Variants in NCKAP1L observed in about 807,000 individuals in gnomAD.
The protein encoded by NCKAP1L is NCK associated protein 1 like, also known as nck-associated protein 1-like.
Under a neutral mutation model 139.2 loss-of-function variants are expected in NCKAP1L, and 53 were observed. That is an observed-to-expected ratio of 0.38 (90% confidence interval 0.31 to 0.48). The LOEUF is 0.48. Among genes scored for constraint, NCKAP1L ranks in the 20% least tolerant of loss-of-function variants. The pLI is 0.98. For missense variants in NCKAP1L, 1,151 were observed against 1,381.9 expected (o/e 0.83, Z 2.65); for synonymous variants, 468 against 499.7 (o/e 0.94, Z 0.85).
chr12:54,531,481 T>C lies in NCKAP1L; in HGVS notation c.2605-10T>C, dbSNP rs376510658. 1 of 1,613,800 alleles carries C rather than the reference T, an allele frequency of 6.2e-7. No individual in the cohort carries two copies. The highest frequency in any genetic ancestry group is 8.5e-7 in the Non-Finnish European group (1 of 1,179,658). On this transcript the variant is annotated splice_polypyrimidine_tract_variant and intron_variant, in intron 23 of 30. Transcript: ENST00000293373. ...TTCCTGCTTAATGTCTCTGTGTTCC[T>C]GGACTACAGAAGCTGGTGGTGGAAA... is the stretch of plus-strand genomic sequence containing the variant.
chr12:54,504,909 G>A (rs1053720285), intron 3 of NCKAP1L, among the ~76,000 whole-genome samples: 3 of 152,158 alleles, frequency 2.0e-5, no homozygotes, highest in Admixed American at 1.3e-4. Context: ...TAAGACCTGC[G>A]TAGTGACATT....
Position 54,517,933 on chromosome 12 carries a change from A to T in NCKAP1L, c.1333A>T (p.Ile445Phe). 6.2e-7 allele frequency: 1 copy of T among 1,614,186 alleles called. No homozygotes were observed. The highest frequency in any genetic ancestry group is 8.5e-7 in the Non-Finnish European group (1 of 1,180,012). ...TGATGCTCTTGTGCTCAGTGACATC[A>T]TTCAGGTATGATATTTAATTGATTA... ...RFDALVLSDI[I>F]QNLSVCPEEE... Residue 445 changes from isoleucine to phenylalanine, a missense_variant, in exon 13 of 31, where the codon ATT (isoleucine) becomes TTT (phenylalanine). Physicochemically the swap from Ile to Phe is conservative, Grantham distance 21. Transcript: ENST00000293373.
Position 54,531,344 on chromosome 12 carries a change from T to C in NCKAP1L, c.2591T>C (p.Ile864Thr), listed in dbSNP as rs756807686. Residue 864 changes from isoleucine to threonine, a missense_variant, in exon 23 of 31, where the codon ATT becomes ACT. Coordinates refer to ENST00000293373, the MANE Select transcript of NCKAP1L (RefSeq NM_005337.5). ...CTGATGTGGCATGTGACCTCTCAGA[T>C]TGTGGAGCTGAAGGTACTATGGAAA... The part of the protein sequence containing the change: ...ENLMWHVTSQ[I>T]VELKKLVVEN... 2.5e-6 allele frequency: 4 copies of C among 1,613,962 alleles called. No homozygotes were observed. The highest frequency in any genetic ancestry group is 1.3e-5 in the African/African-American group (1 of 74,996).
chr12:54,544,518 A>G lies in NCKAP1L; in HGVS notation c.*1833A>G, dbSNP rs1957184464. 6.6e-6 allele frequency: 1 copy of G among 152,212 alleles called. No individual in the cohort carries two copies. The highest frequency in any genetic ancestry group is 1.5e-5 in the Non-Finnish European group (1 of 68,026). 9.4% of individuals were successfully genotyped at this position (152,212 alleles called of 1,614,324 possible). A position where few individuals can be genotyped will look rare whatever the true frequency, so the allele number is the denominator to read the frequency against. The stretch of plus-strand genomic sequence containing the variant: ...TTACACAGTTTCCCTGAATGCTAAC[A>G]TCTAGCAAAACTGTAGTACACTGCC... On this transcript the variant is annotated 3_prime_UTR_variant, in exon 31 of 31. Transcript: ENST00000293373.
rs1305758809 is a variant in NCKAP1L, at chr12:54,511,970, G to T, written c.806G>T (p.Gly269Val). ...WIIIGFLLCHGCLNSNSQCQK... is the reference protein window; with the variant it reads ...WIIIGFLLCHVCLNSNSQCQK... ...ACAGTTGGGTTTCTTCTTTGTCATGGGTGCCTCAACTCCAATAGCCAGTGC... is the reference window on the plus strand; with the variant it reads ...ACAGTTGGGTTTCTTCTTTGTCATGTGTGCCTCAACTCCAATAGCCAGTGC... Residue 269 changes from glycine (G) to valine (V), a missense_variant, in exon 9 of 31, where the codon GGG becomes GTG. Coordinates refer to ENST00000293373, the MANE Select transcript of NCKAP1L (RefSeq NM_005337.5). The T allele has an allele frequency of 6.8e-6, 11 of 1,614,002 alleles. No homozygotes were observed. The highest frequency in any genetic ancestry group is 2.7e-5 in the African/African-American group (2 of 74,898).
At chr12:54,539,296 T>C (rs1393431402) in intron 30 of NCKAP1L, among the ~76,000 whole-genome samples, 1 of 152,204 alleles carries the variant, frequency 6.6e-6, no homozygotes, top group Non-Finnish European at 1.5e-5. Context: ...ACCTGTCCAG[T>C]ACATGTTTGG....
intron 3 of NCKAP1L, among the ~76,000 whole-genome samples, chr12:54,504,208 A>T (rs138452600): frequency 1.8e-4 from 27 of 152,334 alleles, no homozygotes; most frequent in African/African-American, 6.0e-4. Context: ...TATTCAAGAA[A>T]TAATGCAAAT....
In NCKAP1L at chr12:54,545,559, C is replaced by T. The variant is rs1050987061; in HGVS notation, c.*2874C>T. The T allele has an allele frequency of 6.6e-6, 1 of 152,192 alleles. No homozygotes were observed. The highest frequency in any genetic ancestry group is 2.4e-5 in the African/African-American group (1 of 41,442). 9.4% of individuals were successfully genotyped at this position (152,192 alleles called of 1,614,324 possible). On this transcript the variant is annotated 3_prime_UTR_variant, in exon 31 of 31. Transcript: ENST00000293373. ...GTGAAGGGACAGAGAAGTAACAGGACCCATCAGCATTTCAGGCAATTTGCT... is the reference window on the plus strand; with the variant it reads ...GTGAAGGGACAGAGAAGTAACAGGATCCATCAGCATTTCAGGCAATTTGCT...
intron 26 of NCKAP1L, among the ~76,000 whole-genome samples, chr12:54,534,319 A>G (rs1219020498): frequency 1.3e-5 from 2 of 152,240 alleles, no homozygotes; most frequent in East Asian, 3.8e-4. Flanking sequence ...CACACACTTA[A>G]TAAGTGGTGT....
chr12:54,536,289 G>C, intron 28 of NCKAP1L, 44 bp downstream of exon 28: 5 of 1,308,766 alleles, frequency 3.8e-6, no homozygotes, highest in Non-Finnish European at 5.5e-6. Context: ...ATTCAAGTTA[G>C]TGTCCTGGGG....
chr12:54,536,012 T>A (rs1460222208), intron 27 of NCKAP1L, 117 bp from the exon 28 acceptor site: 1 of 733,542 alleles, frequency 1.4e-6, no homozygotes, highest in African/African-American at 1.8e-5. Flanking sequence ...AGTGTTTTCA[T>A]GGATATTTTC....
In NCKAP1L at chr12:54,545,508, C is replaced by T. The variant is rs946783478; in HGVS notation, c.*2823C>T. 5.9e-5 allele frequency: 9 copies of T among 152,134 alleles called. No individual in the cohort carries two copies. Among genetic ancestry groups the T allele is most frequent in the Non-Finnish European group, 7.4e-5 (5 of 68,014 alleles). The allele number at this position is 152,134 out of a possible 1,614,324, so 9.4% of individuals were successfully genotyped here. A position where few individuals can be genotyped will look rare whatever the true frequency, so the allele number is the denominator to read the frequency against. The stretch of plus-strand genomic sequence containing the variant: ...GTGAGGACATGATGGCCTTTACTAC[C>T]GGAAGCAAAAAGTGAATGTCCAGAG... On this transcript the variant is annotated 3_prime_UTR_variant, in exon 31 of 31. Transcript: ENST00000293373.
At chr12:54,516,850 T>C in intron 10 of NCKAP1L, 46 bp from the exon 11 acceptor site, 1 of 1,555,422 alleles carries the variant, frequency 6.4e-7, no homozygotes, top group Non-Finnish European at 8.9e-7. Flanking sequence ...TGGAGGGTTT[T>C]TAAGGGTGGG....
In NCKAP1L at chr12:54,518,955, G is replaced by A. The variant is rs374229932; in HGVS notation, c.1462G>A (p.Asp488Asn). ...ATTTGAATTCTCAGGATTGAGGCTG[G>A]ACTGGTTCCGCCTACAGGTAATGAT... ...EKFEFSGLRL[D>N]WFRLQAYTSV... Residue 488 changes from aspartate to asparagine, a missense_variant, in exon 15 of 31, where the codon GAC (aspartate) becomes AAC (asparagine). Transcript: ENST00000293373. 2 of 1,613,732 alleles carry A rather than the reference G, an allele frequency of 1.2e-6. No homozygotes were observed. The highest frequency in any genetic ancestry group is 1.7e-6 in the Non-Finnish European group (2 of 1,179,684).
At chr12:54,542,459 C>T in intron 30 of NCKAP1L, 116 bp from the exon 31 acceptor site, 1 of 763,726 alleles carries the variant, frequency 1.3e-6, no homozygotes. Context: ...ATTTGGAACC[C>T]TGTTCACTTG....
rs749917482 is a variant in NCKAP1L, at chr12:54,521,262, A to G, written c.1878+24A>G. 4 of 1,610,544 alleles carry G rather than the reference A, an allele frequency of 2.5e-6. No individual in the cohort carries two copies. In the East Asian group the frequency reaches 8.9e-5, roughly 36 times the overall value. On this transcript the variant is annotated intron_variant, in intron 18 of 30. Transcript: ENST00000293373. ...AGGTAGACTCAGCCCTCTCTGTTTCACTCTCCCCTCTGCCAGCGCTCAGTG... is the reference window on the plus strand; with the variant it reads ...AGGTAGACTCAGCCCTCTCTGTTTCGCTCTCCCCTCTGCCAGCGCTCAGTG...
At position 54,521,226 on chromosome 12, in the gene NCKAP1L, C is replaced by A. The variant is rs570070343; in HGVS notation, c.1866C>A (p.Asn622Lys). The change falls in exon 18 of 31, where the codon AAC (asparagine) becomes AAA (lysine). Residue 622 changes from asparagine to lysine, a missense_variant. Physicochemically the swap from Asn to Lys is moderately conservative, Grantham distance 94. Coordinates refer to ENST00000293373, the MANE Select transcript of NCKAP1L (RefSeq NM_005337.5). ...TGGAGATCTGTGCTGAGCAGCGAAA[C>A]CTGAGCGAGCAGGTAGACTCAGCCC... ...CVLEICAEQRNLSEQLLPKHC... is the reference protein window; with the variant it reads ...CVLEICAEQRKLSEQLLPKHC... 3.7e-6 allele frequency: 6 copies of A among 1,614,044 alleles called. No homozygotes were observed. In the East Asian group the frequency reaches 1.3e-4, roughly 36 times the overall value.
intron 3 of NCKAP1L, among the ~76,000 whole-genome samples, chr12:54,503,650 T>G (rs1470361228): frequency 6.6e-6 from 1 of 151,426 alleles, no homozygotes; most frequent in Non-Finnish European, 1.5e-5. Flanking sequence ...TTTCTTTTTT[T>G]TTTTTTTGAG....
Position 54,507,950 on chromosome 12 carries a change from A to G in NCKAP1L, c.363+41A>G, listed in dbSNP as rs955349643. The G allele has an allele frequency of 2.5e-6, 4 of 1,586,052 alleles. No individual in the cohort carries two copies. In the African/African-American group the frequency reaches 5.4e-5, roughly 21 times the overall value. ...ATTCTCTTCTATCGTAGAGTCAAAGAAAAGGCCAGGTCTAGGTTGGGAGGT... is the reference window on the plus strand; with the variant it reads ...ATTCTCTTCTATCGTAGAGTCAAAGGAAAGGCCAGGTCTAGGTTGGGAGGT... On this transcript the variant is annotated intron_variant, in intron 4 of 30. Coordinates refer to ENST00000293373, the MANE Select transcript of NCKAP1L (RefSeq NM_005337.5).
Sources: gnomAD v4.1 joint callset for allele counts (sites outside exome capture counted in the v4.1 genomes callset) on GRCh38, gnomAD v4.1.1 for gene constraint, MANE v1.5 for transcripts, NCBI Gene and HGNC (gene_info 2026-07-23, HGNC 2026-07-21) for gene names.